CKAP5: variants seen among roughly 807,000 people sequenced by gnomAD.
CKAP5 encodes cytoskeleton associated protein 5.
A neutral mutation model predicts 232.8 loss-of-function variants in CKAP5; 27 were observed. The observed-to-expected ratio is 0.12, with a 90% CI of 0.09 to 0.16. The LOEUF is 0.16. Ranked by LOEUF, CKAP5 falls within the 10% of genes least tolerant of loss-of-function variation. CKAP5 has a pLI of 1.00. For missense variants in CKAP5, 1,838 were observed against 2,424.7 expected (o/e 0.76, Z 5.08); for synonymous variants, 785 against 841.1 (o/e 0.93, Z 1.16).
At chr11:46,792,565 AAACAAC>A (rs544454333) in intron 13 of CKAP5, among the ~76,000 whole-genome samples, 355 of 152,086 alleles carry the variant, frequency 2.3e-3, no homozygotes, top group African/African-American at 8.2e-3. Flanking sequence ...AAAAAAACAA[AAACAAC>A]AACAACAACA....
chr11:46,816,789 T>A (rs1939413015), intron 3 of CKAP5, among the ~76,000 whole-genome samples: 1 of 24,294 alleles, frequency 4.1e-5, no homozygotes, highest in African/African-American at 9.1e-5. Context: ...GCTTTCAATT[T>A]TTTTTTTTTT....
chr11:46,811,037 T>C lies in CKAP5; in HGVS notation c.600A>G (p.Arg200=). The change falls in exon 5 of 44, where the codon AGA becomes AGG. Residue 200 remains arginine, a synonymous_variant. Transcript: ENST00000529230. The stretch of plus-strand genomic sequence containing the variant: ...CAGAGTTTATATTTTGTAATGGGGG[T>C]CTCAGAGCATCCCGAATCCATCTGT... ...EIYRWIRDAL[R]PPLQNINSVQ... is the part of the protein sequence containing the mutation. The C allele has an allele frequency of 1.2e-6, 2 of 1,613,762 alleles. No homozygotes were observed. The highest frequency in any genetic ancestry group is 1.7e-6 in the Non-Finnish European group (2 of 1,179,886).
At chr11:46,822,567 C>T (rs1442599860) in intron 1 of CKAP5, among the ~76,000 whole-genome samples, 1 of 151,622 alleles carries the variant, frequency 6.6e-6, no homozygotes, top group Non-Finnish European at 1.5e-5. Context: ...CTGGCTAACA[C>T]GGTGAAATCC....
intron 18 of CKAP5, among the ~76,000 whole-genome samples, chr11:46,781,351 G>A (rs1244976877): frequency 1.3e-5 from 2 of 152,114 alleles, no homozygotes; most frequent in African/African-American, 4.8e-5. Context: ...TATTCCAATA[G>A]CCTACTAATT....
intron 25 of CKAP5, 114 bp from the exon 26 acceptor site, chr11:46,770,212 C>A: frequency 1.9e-6 from 2 of 1,076,426 alleles, no homozygotes; most frequent in East Asian, 2.4e-5. Flanking sequence ...TTTTGAAATA[C>A]CACTGAAGTA....
Position 46,797,819 on chromosome 11 carries a change from C to T in CKAP5, c.1324G>A (p.Ala442Thr). The T allele has an allele frequency of 1.2e-6, 2 of 1,611,310 alleles. No homozygotes were observed. The highest frequency in any genetic ancestry group is 1.1e-5 in the South Asian group (1 of 90,360). ...AGAGTCTGTACCTTAAGTAGTGCAG[C>T]ACAAAAGGGCTTTAGCAAGCTCTTT... ...LPKSLLKPFCAALLKHINDSA... is the reference protein window; with the variant it reads ...LPKSLLKPFCTALLKHINDSA... The change falls in exon 11 of 44, where the codon GCT becomes ACT. Residue 442 changes from alanine to threonine, a missense_variant. Transcript: ENST00000529230.
chr11:46,775,461 T>TGGTAATTG (rs2065282659), intron 24 of CKAP5, among the ~76,000 whole-genome samples: 1 of 152,168 alleles, frequency 6.6e-6, no homozygotes, highest in Non-Finnish European at 1.5e-5. Context: ...GACCCAGCAA[T>TGGTAATTG]CCCATTACTG....
intron 22 of CKAP5, 44 bp from the exon 23 acceptor site, chr11:46,777,596 G>T: frequency 7.3e-7 from 1 of 1,370,160 alleles, no homozygotes; most frequent in Non-Finnish European, 1.0e-6. Flanking sequence ...CGATAAGCAA[G>T]TTGTGTGCAA....
At chr11:46,746,453 T>C (rs912014457) in intron 42 of CKAP5, among the ~76,000 whole-genome samples, 1 of 152,216 alleles carries the variant, frequency 6.6e-6, no homozygotes, top group Admixed American at 6.5e-5. Flanking sequence ...TTCTGAGAAA[T>C]GCATTTGTTA....
chr11:46,841,944 G>A (rs191192942), intron 1 of CKAP5, among the ~76,000 whole-genome samples: 1 of 146,050 alleles, frequency 6.8e-6, no homozygotes, highest in African/African-American at 2.6e-5. Flanking sequence ...GTTGCAGTGA[G>A]CCGAGATCGT....
intron 8 of CKAP5, among the ~76,000 whole-genome samples, chr11:46,806,554 C>A (rs1443587488): frequency 6.6e-6 from 1 of 152,118 alleles, no homozygotes; most frequent in Non-Finnish European, 1.5e-5. Context: ...TCCCCTAGGG[C>A]AACTCTCTTT....
intron 42 of CKAP5, among the ~76,000 whole-genome samples, chr11:46,744,926 C>G (rs964150504): frequency 6.6e-6 from 1 of 152,102 alleles, no homozygotes; most frequent in South Asian, 2.1e-4. Context: ...CTGAAAAACC[C>G]GAGGACCTTA....
intron 40 of CKAP5, among the ~76,000 whole-genome samples, chr11:46,750,860 G>T (rs1339755583): frequency 6.6e-6 from 1 of 152,180 alleles, no homozygotes; most frequent in Non-Finnish European, 1.5e-5. Flanking sequence ...TCCATGTTAA[G>T]CAGAACTAGC....
intron 1 of CKAP5, among the ~76,000 whole-genome samples, chr11:46,843,725 A>T (rs971797436): frequency 1.0e-4 from 5 of 49,508 alleles, no homozygotes; most frequent in Non-Finnish European, 2.1e-4. Context: ...GTGAGATCTG[A>T]TTGAAAAAAA....
intron 1 of CKAP5, among the ~76,000 whole-genome samples, chr11:46,837,143 G>C (rs1939936038): frequency 6.6e-6 from 1 of 152,168 alleles, no homozygotes; most frequent in South Asian, 2.1e-4. Flanking sequence ...TAGCAATTCT[G>C]ATACTGCTAT....
intron 1 of CKAP5, among the ~76,000 whole-genome samples, chr11:46,835,939 G>C (rs1453806869): frequency 6.6e-6 from 1 of 152,190 alleles, no homozygotes; most frequent in Non-Finnish European, 1.5e-5. Flanking sequence ...CCCCTGATAT[G>C]ATATGGTATT....
At chr11:46,805,071 TAA>T in intron 8 of CKAP5, among the ~76,000 whole-genome samples, 1 of 139,702 alleles carries the variant, frequency 7.2e-6, no homozygotes, top group African/African-American at 2.6e-5. Context: ...TACTAAAAAT[TAA>T]AAAAAAAAAA....
At chr11:46,804,814 C>T (rs1328011497) in intron 8 of CKAP5, among the ~76,000 whole-genome samples, 2 of 151,716 alleles carry the variant, frequency 1.3e-5, no homozygotes, top group South Asian at 4.2e-4. Flanking sequence ...TAAGAAAGCA[C>T]TTCGAAAATC....
chr11:46,756,906 C>T (rs1223379801), intron 35 of CKAP5, among the ~76,000 whole-genome samples: 1 of 151,712 alleles, frequency 6.6e-6, no homozygotes, highest in Non-Finnish European at 1.5e-5. Flanking sequence ...CAGGCATGTG[C>T]CACTATGCCC....
Sources: gnomAD v4.1 joint callset for allele counts (sites outside exome capture counted in the v4.1 genomes callset) on GRCh38, gnomAD v4.1.1 for gene constraint, MANE v1.5 for transcripts, NCBI Gene and HGNC (gene_info 2026-07-23, HGNC 2026-07-21) for gene names.